The following ACOT11 variants were observed in gnomAD, a reference collection of about 807,000 sequenced individuals.
ACOT11 encodes the protein acyl-coenzyme A thioesterase 11.
Under a neutral mutation model 77.5 loss-of-function variants are expected in ACOT11, and 69 were observed. The ratio of observed to expected loss-of-function variants is 0.89; its 90% CI spans 0.73 to 1.09. The LOEUF (loss-of-function observed/expected upper bound fraction) is 1.09, where lower values mean the gene tolerates loss of function less well. Among genes scored for constraint, ACOT11 ranks in the 50% least tolerant of loss-of-function variants. The pLI is 0.00. For missense variants in ACOT11, 766 were observed against 813.7 expected, an observed-to-expected ratio of 0.94 and a Z score of 0.71; for synonymous variants, 279 against 313.0, an observed-to-expected ratio of 0.89 and a Z score of 1.15.
Position 54,602,762 on chromosome 1 carries a change from G to A in ACOT11, c.1085+38G>A, listed in dbSNP as rs144440377. The A allele has an allele frequency of 5.4e-4, 811 of 1,497,410 alleles. 1 individual carries two copies. The African/African-American group carries it at 8.9e-3, about 16-fold the overall frequency. 92.8% of individuals were successfully genotyped at this position (1,497,410 alleles called of 1,614,324 possible). A position where few individuals can be genotyped will look rare whatever the true frequency, so the allele number is the denominator to read the frequency against. ...TGAGTGGTGGGCAGAATGTGGATTC[G>A]GGGCTGTTCACGCTCCGCTGACCCC... On this transcript the variant is annotated intron_variant, in intron 10 of 15. Coordinates refer to ENST00000343744, the MANE Select transcript of ACOT11 (RefSeq NM_147161.4).
In ACOT11 at chr1:54,552,842, T is replaced by G. The variant is rs527655877; in HGVS notation, c.33+4500T>G. The stretch of plus-strand genomic sequence containing the variant: ...TTGTTTTTGTTTTGTTTTTTTTTTT[T>G]TTGAGACGGAGTTTCGCTCTTGTTG... On this transcript the variant is annotated intron_variant, in intron 1 of 15. Coordinates refer to ENST00000343744, the MANE Select transcript of ACOT11 (RefSeq NM_147161.4). Among the ~76,000 whole-genome samples, 44 of 149,978 alleles carry G rather than the reference T, an allele frequency of 2.9e-4. No individual in the cohort carries two copies. The East Asian group carries it at 8.1e-3, about 28-fold the overall frequency.
chr1:54,586,505 C>G (rs566090898), intron 3 of ACOT11, among the ~76,000 whole-genome samples: 33 of 151,104 alleles, frequency 2.2e-4, no homozygotes, highest in African/African-American at 7.3e-4. Flanking sequence ...GATCTTGGTT[C>G]ACTGCAATCT....
chr1:54,620,192 G>T (rs1206806553), intron 15 of ACOT11, among the ~76,000 whole-genome samples: 2 of 152,198 alleles, frequency 1.3e-5, no homozygotes, highest in African/African-American at 4.8e-5. Context: ...GGGGCCCAAG[G>T]AAGCCTCATT....
At position 54,609,149 on chromosome 1, in the gene ACOT11, C is replaced by T. The variant is rs1644077216; in HGVS notation, c.*37C>T. On this transcript the variant is annotated 3_prime_UTR_variant, in exon 16 of 16. Transcript: ENST00000343744. The stretch of plus-strand genomic sequence containing the variant: ...GGCCACATCATGCCCACTCCCACTC[C>T]ATCCTGTCCCCAAGGACTCACATAC... The T allele has an allele frequency of 5.6e-6, 9 of 1,613,238 alleles. No homozygotes were observed. The highest frequency in any genetic ancestry group is 7.6e-6 in the Non-Finnish European group (9 of 1,179,544).
chr1:54,637,358 CTG>C (rs1347641212), exon 17 of ACOT11: 4 of 152,092 alleles, frequency 2.6e-5, no homozygotes, highest in African/African-American at 9.7e-5. Context: ...TGGTGTGCCT[CTG>C]TACTTTCAGC....
intron 1 of ACOT11, among the ~76,000 whole-genome samples, chr1:54,562,023 G>A (rs1389367696): frequency 5.4e-4 from 38 of 70,886 alleles, no homozygotes; most frequent in African/African-American, 2.4e-3. Flanking sequence ...CAGACGGGGC[G>A]GCTGGCCGGG....
At position 54,609,615 on chromosome 1, in the gene ACOT11, A is replaced by C; in HGVS notation, c.*503A>C. The stretch of plus-strand genomic sequence containing the variant: ...CCTGGTGCCACAGTCACGTGGGGGA[A>C]GACCTCAGCCACAGCTGTAAGCAGC... On this transcript the variant is annotated 3_prime_UTR_variant, in exon 16 of 16. Coordinates refer to ENST00000343744, the MANE Select transcript of ACOT11 (RefSeq NM_147161.4). The C allele has an allele frequency of 6.2e-7, 1 of 1,613,598 alleles. No homozygotes were observed. Among genetic ancestry groups the C allele is most frequent in the South Asian group, 1.1e-5 (1 of 91,084 alleles).
At chr1:54,593,228 C>G (rs1335027201) in intron 4 of ACOT11, among the ~76,000 whole-genome samples, 1 of 152,092 alleles carries the variant, frequency 6.6e-6, no homozygotes, top group Non-Finnish European at 1.5e-5. Context: ...CTCTGGGCAC[C>G]CCATGAATGC....
chr1:54,623,766 A>C (rs1644253785), intron 15 of ACOT11, among the ~76,000 whole-genome samples: 1 of 152,144 alleles, frequency 6.6e-6, no homozygotes, highest in Non-Finnish European at 1.5e-5. Flanking sequence ...GCTTTTCTGG[A>C]GTCCTGGAGC....
chr1:54,617,183 A>G (rs903089958), intron 15 of ACOT11, among the ~76,000 whole-genome samples: 1 of 152,164 alleles, frequency 6.6e-6, no homozygotes. Flanking sequence ...TCAAGAATTC[A>G]GTCTAGTAGG....
At chr1:54,624,683 A>G (rs1347693475) in intron 15 of ACOT11, among the ~76,000 whole-genome samples, 3 of 152,140 alleles carry the variant, frequency 2.0e-5, no homozygotes, top group Admixed American at 1.3e-4. Context: ...GTGGTCAGCC[A>G]GGCTGGGAGA....
chr1:54,634,397 C>T (rs553100198), intron 16 of ACOT11, among the ~76,000 whole-genome samples: 150 of 152,268 alleles, frequency 9.9e-4, no homozygotes, highest in African/African-American at 3.1e-3. Context: ...GCTCAAAAAG[C>T]GGAGCTTGTA....
At chr1:54,610,449 GACGTCAGGA>G (rs1362481658), downstream of ACOT11, 1 of 1,613,534 alleles carries the variant, frequency 6.2e-7, no homozygotes, top group Non-Finnish European at 8.5e-7. Context: ...CGCTGCCCTG[GACGTCAGGA>G]ACCAGCCACT....
intron 1 of ACOT11, among the ~76,000 whole-genome samples, chr1:54,562,271 A>AT (rs1653538698): frequency 1.2e-5 from 1 of 85,440 alleles, no homozygotes; most frequent in Non-Finnish European, 2.3e-5. Flanking sequence ...CGGGGGGCTG[A>AT]CCCCCCACCT....
At chr1:54,575,221 T>G (rs1022634189) in intron 1 of ACOT11, among the ~76,000 whole-genome samples, 29 of 152,204 alleles carry the variant, frequency 1.9e-4, no homozygotes, top group African/African-American at 6.8e-4. Flanking sequence ...GGGATCCCTA[T>G]GTACCTCACC....
chr1:54,623,626 A>C, intron 15 of ACOT11: 1 of 502,216 alleles, frequency 2.0e-6, no homozygotes, highest in East Asian at 3.2e-5. Flanking sequence ...TAACAGGCTA[A>C]CCAGAATATC....
intron 1 of ACOT11, among the ~76,000 whole-genome samples, chr1:54,564,852 G>A (rs1425794362): frequency 1.3e-5 from 2 of 152,176 alleles, no homozygotes; most frequent in South Asian, 2.1e-4. Context: ...AGCCTGCTTC[G>A]TGCCAGGTAG....
chr1:54,622,715 G>C (rs1316056759), intron 15 of ACOT11, among the ~76,000 whole-genome samples: 1 of 152,100 alleles, frequency 6.6e-6, no homozygotes, highest in East Asian at 1.9e-4. Context: ...CTCCAGCCTG[G>C]GGGACAAGAG....
chr1:54,556,505 C>A (rs1425792862), intron 1 of ACOT11, among the ~76,000 whole-genome samples: 1 of 151,986 alleles, frequency 6.6e-6, no homozygotes, highest in African/African-American at 2.4e-5. Context: ...CACCATAATT[C>A]TTCTGATCCA....
Sources: gnomAD v4.1 joint callset for allele counts (sites outside exome capture counted in the v4.1 genomes callset) on GRCh38, gnomAD v4.1.1 for gene constraint, MANE v1.5 for transcripts, NCBI Gene and HGNC (gene_info 2026-07-23, HGNC 2026-07-21) for gene names.